Variants in SYNJ1 observed in about 807,000 individuals in gnomAD.
The protein encoded by SYNJ1 is polyphosphatidylinositol phosphatase SYNJ1.
Under a neutral mutation model 168.2 loss-of-function variants are expected in SYNJ1, and 78 were observed. That is an observed-to-expected ratio of 0.46 (90% confidence interval 0.39 to 0.56). The LOEUF is 0.56. Among genes scored for constraint, SYNJ1 ranks in the 20% least tolerant of loss-of-function variants. The pLI is 0.00. For synonymous variants in SYNJ1, 539 were observed against 548.6 expected, an observed-to-expected ratio of 0.98 and a Z score of 0.24; for missense variants, 1,303 against 1,597.6, an observed-to-expected ratio of 0.82 and a Z score of 3.14.
chr21:32,707,801 G>A (rs139693132), intron 2 of SYNJ1, among the ~76,000 whole-genome samples: 84 of 152,330 alleles, frequency 5.5e-4, no homozygotes, highest in African/African-American at 1.6e-3. Context: ...TGGATCACCT[G>A]AGGTTGGGAG....
At chr21:32,715,284 C>A (rs2042981032) in intron 2 of SYNJ1, among the ~76,000 whole-genome samples, 1 of 152,036 alleles carries the variant, frequency 6.6e-6, no homozygotes, top group East Asian at 1.9e-4. Context: ...ACCAGCCTGG[C>A]CAGTAAGGTG....
At chr21:32,644,898 T>TA in intron 26 of SYNJ1, 70 bp downstream of exon 26, 2 of 1,509,978 alleles carry the variant, frequency 1.3e-6, no homozygotes, top group Non-Finnish European at 1.8e-6. Context: ...CAAACAAATC[T>TA]AAAATGTCTT....
intron 2 of SYNJ1, among the ~76,000 whole-genome samples, chr21:32,705,643 C>G (rs765792170): frequency 6.6e-6 from 1 of 152,152 alleles, no homozygotes; most frequent in Non-Finnish European, 1.5e-5. Context: ...GAAAAAAAGT[C>G]TTCCCGACAT....
intron 4 of SYNJ1, among the ~76,000 whole-genome samples, chr21:32,697,365 T>C (rs1287691558): frequency 6.6e-6 from 1 of 152,200 alleles, no homozygotes; most frequent in Non-Finnish European, 1.5e-5. Flanking sequence ...ATGCCAATCC[T>C]TAGCAAAATT....
chr21:32,682,734 G>C (rs1316107939), intron 10 of SYNJ1, among the ~76,000 whole-genome samples: 1 of 152,100 alleles, frequency 6.6e-6, no homozygotes, highest in Non-Finnish European at 1.5e-5. Flanking sequence ...CAACAGTGGA[G>C]AATCAGCTAA....
intron 15 of SYNJ1, among the ~76,000 whole-genome samples, chr21:32,668,715 T>A (rs1238792728): frequency 1.3e-5 from 2 of 152,234 alleles, no homozygotes; most frequent in East Asian, 3.8e-4. Flanking sequence ...AATAAAACAC[T>A]GAAGTTTTAA....
rs777403078 is a variant in SYNJ1, at chr21:32,631,616, C to T, written c.*189G>A. ...TTGTTGGCATGCAACTTACAGAACTCAAAACATTACTTTGCGTTGCAGAAG... is the reference window on the plus strand; with the variant it reads ...TTGTTGGCATGCAACTTACAGAACTTAAAACATTACTTTGCGTTGCAGAAG... On this transcript the variant is annotated 3_prime_UTR_variant, in exon 33 of 33. Transcript: ENST00000674351. 4.4e-6 allele frequency: 5 copies of T among 1,146,566 alleles called. No individual in the cohort carries two copies. Among genetic ancestry groups the T allele is most frequent in the Non-Finnish European group, 6.0e-6 (5 of 832,994 alleles). The allele number at this position is 1,146,566 out of a possible 1,614,324, so 71.0% of individuals were successfully genotyped here.
chr21:32,673,546 A>G lies in SYNJ1; in HGVS notation c.1535-15T>C. On this transcript the variant is annotated splice_polypyrimidine_tract_variant and intron_variant, in intron 13 of 32. Transcript: ENST00000674351. ...TTTAGAAGATGCTAATCAAGAGAAG[A>G]CACAATAGAATTTTAGCTGCATCAA... 5 of 1,575,230 alleles carry G rather than the reference A, an allele frequency of 3.2e-6. No homozygotes were observed. The highest frequency in any genetic ancestry group is 4.3e-6 in the Non-Finnish European group (5 of 1,160,596).
intron 13 of SYNJ1, among the ~76,000 whole-genome samples, chr21:32,674,865 T>A (rs762793380): frequency 4.6e-5 from 7 of 152,278 alleles, no homozygotes; most frequent in African/African-American, 1.7e-4. Context: ...GAAATGAGAG[T>A]GAAAAAGGCG....
chr21:32,689,248 A>AG (rs929388718), intron 6 of SYNJ1, among the ~76,000 whole-genome samples: 31 of 152,222 alleles, frequency 2.0e-4, no homozygotes, highest in South Asian at 1.2e-3. Context: ...AGGATCACTG[A>AG]GGGGGGGCAA....
intron 32 of SYNJ1, 55 bp from the exon 33 acceptor site, chr21:32,631,856 CT>C: frequency 7.0e-7 from 1 of 1,428,550 alleles, no homozygotes; most frequent in Non-Finnish European, 9.5e-7. Flanking sequence ...TTAATACCCC[CT>C]ATTCTTCCTG....
intron 6 of SYNJ1, among the ~76,000 whole-genome samples, chr21:32,692,259 G>A (rs2042052288): frequency 6.6e-6 from 1 of 152,180 alleles, no homozygotes; most frequent in African/African-American, 2.4e-5. Flanking sequence ...TCTTGACTTT[G>A]AGTGGTAGAG....
intron 18 of SYNJ1, among the ~76,000 whole-genome samples, chr21:32,662,567 A>G (rs1201073102): frequency 6.6e-6 from 1 of 152,184 alleles, no homozygotes; most frequent in African/African-American, 2.4e-5. Context: ...AAATGATACA[A>G]GTATTAGCCA....
chr21:32,691,092 G>A (rs557768344), intron 6 of SYNJ1, among the ~76,000 whole-genome samples: 5 of 152,218 alleles, frequency 3.3e-5, no homozygotes, highest in South Asian at 2.1e-4. Flanking sequence ...TGATTGATAC[G>A]GTTTGGATCT....
intron 31 of SYNJ1, 99 bp downstream of exon 31, chr21:32,638,808 TA>T: frequency 8.6e-7 from 1 of 1,161,326 alleles, no homozygotes; most frequent in Non-Finnish European, 1.2e-6. Flanking sequence ...AACTCGTATT[TA>T]TTTTTACTTC....
At position 32,664,952 on chromosome 21, in the gene SYNJ1, T is replaced by C. The variant is rs763512920; in HGVS notation, c.2265A>G (p.Ile755Met). ...TCTGATTGATAAGTTGATCTCCTGCTATAAGAGAATCCCAATTTTGCTGTC... is the reference window on the plus strand; with the variant it reads ...TCTGATTGATAAGTTGATCTCCTGCCATAAGAGAATCCCAATTTTGCTGTC... ...LIRQQNWDSL[I>M]AGDQLINQKN... Residue 755 changes from isoleucine to methionine, a missense_variant, in exon 18 of 33, where the codon ATA becomes ATG. Physicochemically the swap from Ile to Met is conservative, Grantham distance 10. This residue lies in a region of SYNJ1 where 920 missense variants were observed against 1,208.8 expected (regional missense o/e 0.76). Transcript: ENST00000674351. 1.2e-6 allele frequency: 2 copies of C among 1,613,548 alleles called. No homozygotes were observed. The highest frequency in any genetic ancestry group is 1.7e-6 in the Non-Finnish European group (2 of 1,179,648).
chr21:32,720,951 T>C (rs1388119394), intron 2 of SYNJ1, among the ~76,000 whole-genome samples: 1 of 152,234 alleles, frequency 6.6e-6, no homozygotes, highest in Non-Finnish European at 1.5e-5. Flanking sequence ...TGCATGTATG[T>C]CAGACTGACA....
At position 32,645,018 on chromosome 21, in the gene SYNJ1, T is replaced by C; in HGVS notation, c.3392-12A>G. 6.3e-7 allele frequency: 1 copy of C among 1,598,360 alleles called. No individual in the cohort carries two copies. Among genetic ancestry groups the C allele is most frequent in the Non-Finnish European group, 8.5e-7 (1 of 1,175,160 alleles). ...AGGACTCCTAGCCCCTTATAGTTCA[T>C]AAGAAAATAGGCAGCAGAAAGGAAA... On this transcript the variant is annotated splice_polypyrimidine_tract_variant and intron_variant, in intron 25 of 32. Coordinates refer to ENST00000674351, the MANE Select transcript of SYNJ1 (RefSeq NM_203446.3).
intron 18 of SYNJ1, among the ~76,000 whole-genome samples, 196 bp downstream of exon 18, chr21:32,664,717 C>G (rs2040855907): frequency 6.6e-6 from 1 of 152,186 alleles, no homozygotes; most frequent in South Asian, 2.1e-4. Context: ...CCTTCTACAA[C>G]TTGGTGTCTG....
Sources: allele counts gnomAD v4.1 joint callset (sites outside exome capture counted in the v4.1 genomes callset), GRCh38; gene constraint gnomAD v4.1.1; regional missense constraint gnomAD v4.1.1; transcripts MANE v1.5; gene names NCBI Gene and HGNC (gene_info 2026-07-23, HGNC 2026-07-21).